ECD: variants seen among roughly 807,000 people sequenced by gnomAD.
ECD encodes ecdysoneless cell cycle regulator, also known as protein ecdysoneless homolog.
Under a neutral mutation model 77.2 loss-of-function variants are expected in ECD, and 59 were observed. The ratio of observed to expected loss-of-function variants is 0.76; its 90% confidence interval spans 0.62 to 0.95. The LOEUF (loss-of-function observed/expected upper bound fraction) is 0.95, where lower values mean the gene tolerates loss of function less well. Among genes scored for constraint, ECD ranks in the 40% least tolerant of loss-of-function variants. The pLI is 0.00. For missense variants in ECD, 704 were observed against 763.4 expected, an observed-to-expected ratio of 0.92 and a Z score of 0.92; for synonymous variants, 233 against 267.4, an observed-to-expected ratio of 0.87 and a Z score of 1.26.
At chr10:73,166,830 G>A (rs1045717695) in intron 1 of ECD, among the ~76,000 whole-genome samples, 2 of 152,084 alleles carry the variant, frequency 1.3e-5, no homozygotes, top group Non-Finnish European at 2.9e-5. Context: ...GCTCCCATTT[G>A]TCCATTTTTG....
rs201285202 is a variant in ECD at position 73,148,415 on chromosome 10, T to C, written c.913-11A>G. The C allele has an allele frequency of 1.9e-6, 3 of 1,603,502 alleles. No individual in the cohort carries two copies. Among genetic ancestry groups the C allele is most frequent in the Admixed American group, 1.7e-5 (1 of 57,652 alleles). Reference sequence around the variant, plus strand: ...CTCAAATCCATGAGCCTAGATGAGATAGGTAGAATTTTTGTTACTAAGTTC... The same window carrying C: ...CTCAAATCCATGAGCCTAGATGAGACAGGTAGAATTTTTGTTACTAAGTTC... On this transcript the variant is annotated splice_polypyrimidine_tract_variant and intron_variant, in intron 7 of 13. Transcript: ENST00000372979.
intron 9 of ECD, among the ~76,000 whole-genome samples, chr10:73,142,169 G>A (rs11000526): frequency 0.1 from 15,912 of 151,652 alleles, 1,223 homozygotes; most frequent in East Asian, 0.31. Context: ...CACCTCATCC[G>A]GCTAATTTTT....
chr10:73,157,120 G>A (rs562811016), intron 3 of ECD, among the ~76,000 whole-genome samples: 5 of 151,814 alleles, frequency 3.3e-5, no homozygotes, highest in Admixed American at 1.3e-4. Context: ...TATGATCTCG[G>A]CTCACTGCAA....
intron 1 of ECD, among the ~76,000 whole-genome samples, chr10:73,166,076 C>G (rs1406185277): frequency 6.6e-6 from 1 of 152,114 alleles, no homozygotes; most frequent in African/African-American, 2.4e-5. Flanking sequence ...TGAAGTTTAT[C>G]TTTCTGTGCC....
Position 73,147,353 on chromosome 10 carries a change from G to A in ECD, c.1041+923C>T, listed in dbSNP as rs530540029. ...ACCTGAGGTCAGGAGTCCGAGACCA[G>A]CCTGGCCAACATGGTGAAACCCCAT... On this transcript the variant is annotated intron_variant, in intron 8 of 13. Transcript: ENST00000372979. 7.2e-5 allele frequency among the ~76,000 whole-genome samples: 11 copies of A among 152,304 alleles called. No individual in the cohort carries two copies. The South Asian group carries it at 2.3e-3, about 32-fold the overall frequency.
Position 73,163,870 on chromosome 10 carries a change from T to C in ECD, c.68A>G (p.Asp23Gly). 3.1e-6 allele frequency: 5 copies of C among 1,614,150 alleles called. No homozygotes were observed. The highest frequency in any genetic ancestry group is 4.2e-6 in the Non-Finnish European group (5 of 1,179,992). The change falls in exon 2 of 14, where the codon GAT (aspartate) becomes GGT (glycine). Residue 23 changes from aspartate (D) to glycine (G), a missense_variant. Physicochemically the swap from Asp to Gly is moderately conservative, Grantham distance 94. This residue lies in a region of ECD where 559 missense variants were observed against 583.7 expected (regional missense o/e 0.96). Coordinates refer to ENST00000372979, the MANE Select transcript of ECD (RefSeq NM_007265.3). ...ATGTTTATCTGAGTCCCTTGACTCA[T>C]CTGGTATCAGGAACAGGCAGTACTC... ...TVEYCLFLIP[D>G]ESRDSDKHKE...
intron 9 of ECD, among the ~76,000 whole-genome samples, chr10:73,142,958 CCA>C (rs1843077732): frequency 1.3e-5 from 2 of 152,074 alleles, no homozygotes; most frequent in Non-Finnish European, 2.9e-5. Context: ...CCCCTCTACC[CCA>C]CACACTGCTT....
intron 7 of ECD, 46 bp from the exon 8 acceptor site, chr10:73,148,450 CG>C: frequency 6.3e-7 from 1 of 1,598,282 alleles, no homozygotes; most frequent in South Asian, 1.1e-5. Context: ...CCTTTTTTCC[CG>C]TATCTTATTA....
rs140627378 is a variant in ECD, at chr10:73,143,234, T to C, written c.1127+3042A>G. Among the ~76,000 whole-genome samples the C allele has an allele frequency of 1.5e-3, 227 of 152,352 alleles. 7 individuals are homozygous for C. Among genetic ancestry groups the C allele is most frequent in the African/African-American group, 4.8e-3 (199 of 41,592 alleles). ...CCTAGGCTGGAGTGCAGTGGTGCGATGTCGGCTCACTGCAACCTCCACCTC... is the reference window on the plus strand; with the variant it reads ...CCTAGGCTGGAGTGCAGTGGTGCGACGTCGGCTCACTGCAACCTCCACCTC... On this transcript the variant is annotated intron_variant, in intron 9 of 13. Transcript: ENST00000372979.
chr10:73,142,574 C>T (rs943525733), intron 9 of ECD, among the ~76,000 whole-genome samples: 1 of 140,770 alleles, frequency 7.1e-6, no homozygotes, highest in Non-Finnish European at 1.5e-5. Flanking sequence ...GTGGAGGCTG[C>T]GGTGAGCTGA....
At chr10:73,158,839 T>A (rs1482717650) in intron 3 of ECD, among the ~76,000 whole-genome samples, 2 of 151,714 alleles carry the variant, frequency 1.3e-5, no homozygotes, top group Non-Finnish European at 2.9e-5. Context: ...GGAGTTCAAG[T>A]CCCGCCTGGG....
In ECD at chr10:73,148,272, C is replaced by T. The variant is rs751195306; in HGVS notation, c.1041+4G>A. 4 of 1,612,892 alleles carry T rather than the reference C, an allele frequency of 2.5e-6. No individual in the cohort carries two copies. The highest frequency in any genetic ancestry group is 3.4e-6 in the Non-Finnish European group (4 of 1,179,420). The stretch of plus-strand genomic sequence containing the variant: ...CTTAAAAGCAAATATATTGCAAGTC[C>T]TACCTTAAAGTAATCATTCTTTTTC... On this transcript the variant is annotated splice_donor_region_variant and intron_variant, in intron 8 of 13. Coordinates refer to ENST00000372979, the MANE Select transcript of ECD (RefSeq NM_007265.3).
intron 1 of ECD, among the ~76,000 whole-genome samples, chr10:73,167,368 T>TA: frequency 6.6e-6 from 1 of 152,192 alleles, no homozygotes; most frequent in Non-Finnish European, 1.5e-5. Flanking sequence ...GTTGCATTGA[T>TA]ACCTCTTAAT....
chr10:73,150,635 G>T (rs1368151991), intron 7 of ECD, among the ~76,000 whole-genome samples: 1 of 151,942 alleles, frequency 6.6e-6, no homozygotes, highest in Non-Finnish European at 1.5e-5. Flanking sequence ...TCTAACAAAG[G>T]GCTAATATCC....
At chr10:73,162,884 G>C (rs1057237581) in intron 2 of ECD, among the ~76,000 whole-genome samples, 1 of 152,240 alleles carries the variant, frequency 6.6e-6, no homozygotes, top group African/African-American at 2.4e-5. Flanking sequence ...TAGCAGAGGA[G>C]CAGGTCCTGA....
At chr10:73,156,219 A>G (rs1843293090) in intron 5 of ECD, 56 bp downstream of exon 5, 1 of 1,474,098 alleles carries the variant, frequency 6.8e-7, no homozygotes, top group Non-Finnish European at 9.1e-7. Flanking sequence ...AGAAAGACTG[A>G]ACTACACGAA....
intron 11 of ECD, among the ~76,000 whole-genome samples, chr10:73,139,087 T>C (rs1843014690): frequency 6.6e-6 from 1 of 152,066 alleles, no homozygotes; most frequent in Admixed American, 6.6e-5. Context: ...GATGATGGTT[T>C]TTAGGGTGAT....
intron 9 of ECD, among the ~76,000 whole-genome samples, chr10:73,141,954 T>C (rs1049318291): frequency 4.6e-5 from 7 of 152,232 alleles, no homozygotes; most frequent in Middle Eastern, 3.4e-3. Flanking sequence ...CTGTGCATAG[T>C]TTCTTTTTTT....
chr10:73,148,319 C>T lies in ECD; in HGVS notation c.998G>A (p.Trp333Ter). 1 of 1,613,764 alleles carries T rather than the reference C, an allele frequency of 6.2e-7. No homozygotes were observed. The highest frequency in any genetic ancestry group is 8.5e-7 in the Non-Finnish European group (1 of 1,179,824). ...KKSLVTASPLWASFLESLKKN... is the reference protein window; with the variant it reads ...KKSLVTASPL ...TTTCAGACTTTCAAGGAAACTGGCC[C>T]AGAGTGGTGAGGCAGTCACAAGGGA... The change falls in exon 8 of 14, where the codon TGG (tryptophan) becomes TAG (stop). Residue 333 changes from tryptophan to a stop codon, truncating the protein, a stop_gained. Coordinates refer to ENST00000372979, the MANE Select transcript of ECD (RefSeq NM_007265.3). LOFTEE classifies it high-confidence loss of function.
Sources: gnomAD v4.1 joint callset for allele counts (sites outside exome capture counted in the v4.1 genomes callset) on GRCh38, gnomAD v4.1.1 for gene constraint, gnomAD v4.1.1 regional missense constraint, MANE v1.5 for transcripts, NCBI Gene and HGNC (gene_info 2026-07-23, HGNC 2026-07-21) for gene names.